IGFBP2: variants seen among roughly 807,000 people sequenced by gnomAD.
IGFBP2 encodes the protein insulin-like growth factor-binding protein 2.
A neutral mutation model predicts 26.2 loss-of-function variants in IGFBP2; 12 were observed. The observed-to-expected ratio is 0.46, with a 90% confidence interval of 0.29 to 0.74. The LOEUF (loss-of-function observed/expected upper bound fraction) is 0.74. Among genes scored for constraint, IGFBP2 ranks in the 30% least tolerant of loss-of-function variants. The pLI is 0.09. For missense variants in IGFBP2, 328 were observed against 441.2 expected (o/e 0.74, Z 2.30); for synonymous variants, 189 against 200.6 (o/e 0.94, Z 0.49).
chr2:216,634,905 T>A (rs1049030195), intron 1 of IGFBP2, among the ~76,000 whole-genome samples: 11 of 109,520 alleles, frequency 1.0e-4, no homozygotes, highest in African/African-American at 3.1e-4. Context: ...TTTTTTTTTT[T>A]TAATTACGAA....
chr2:216,658,533 T>G (rs1324779287), intron 1 of IGFBP2, among the ~76,000 whole-genome samples: 2 of 130,998 alleles, frequency 1.5e-5, no homozygotes, highest in African/African-American at 8.2e-5. Context: ...GTCTTTTATT[T>G]ATTTATTTAT....
chr2:216,638,257 C>T (rs370032349), intron 1 of IGFBP2, among the ~76,000 whole-genome samples: 5 of 151,918 alleles, frequency 3.3e-5, no homozygotes, highest in African/African-American at 1.2e-4. Flanking sequence ...GTAATTCCAG[C>T]ACTTAGGGAG....
chr2:216,643,400 A>G (rs1460408652), intron 1 of IGFBP2, among the ~76,000 whole-genome samples: 1 of 152,138 alleles, frequency 6.6e-6, no homozygotes, highest in African/African-American at 2.4e-5. Context: ...GTGCACAATG[A>G]TGCCGAAGAC....
intron 2 of IGFBP2, 83 bp from the exon 3 acceptor site, chr2:216,661,775 C>G (rs746990802): frequency 2.6e-6 from 4 of 1,521,596 alleles, no homozygotes; most frequent in Non-Finnish European, 3.6e-6. Context: ...TGTGCAGCAG[C>G]TTCTCGCTGA....
chr2:216,659,723 C>T lies in IGFBP2; in HGVS notation c.443-834C>T, dbSNP rs1156447195. 4 of 1,535,486 alleles carry T rather than the reference C, an allele frequency of 2.6e-6. No homozygotes were observed. The South Asian group carries it at 3.6e-5, about 14-fold the overall frequency. On this transcript the variant is annotated intron_variant, in intron 1 of 3. Transcript: ENST00000233809. ...ACTTAATGGACGCTTGTTGGACAGA[C>T]ATCACGAAGCTTCATGCCCTGCAGT... is the stretch of plus-strand genomic sequence containing the variant.
upstream of IGFBP2, chr2:216,633,258 C>A (rs1697414985): frequency 2.0e-5 from 3 of 153,764 alleles, no homozygotes; most frequent in South Asian, 6.2e-4. Context: ...ACCCCCAGAG[C>A]CCGCAGCCAA....
chr2:216,650,493 C>T lies in IGFBP2; in HGVS notation c.443-10064C>T, dbSNP rs530697871. ...GTGGTTTGACGTGGAGGGGATTCATCGGCCAGGTGGGGGCTCTCTGCCCTC... is the reference window on the plus strand; with the variant it reads ...GTGGTTTGACGTGGAGGGGATTCATTGGCCAGGTGGGGGCTCTCTGCCCTC... On this transcript the variant is annotated intron_variant, in intron 1 of 3. Coordinates refer to ENST00000233809, the MANE Select transcript of IGFBP2 (RefSeq NM_000597.3). 7.9e-5 allele frequency among the ~76,000 whole-genome samples: 12 copies of T among 152,310 alleles called. No individual in the cohort carries two copies. In the East Asian group the frequency reaches 1.5e-3, roughly 20 times the overall value.
At chr2:216,642,094 G>A (rs974671358) in intron 1 of IGFBP2, among the ~76,000 whole-genome samples, 3 of 150,136 alleles carry the variant, frequency 2.0e-5, no homozygotes, top group African/African-American at 7.4e-5. Flanking sequence ...CCATCTCCCG[G>A]GTTCATGCCA....
rs1371830293 is a variant in IGFBP2 at position 216,633,555 on chromosome 2, C to CGCT, written c.35_37dup (p.Leu12dup). On this transcript the variant is annotated inframe_insertion, in exon 1 of 4. Coordinates refer to ENST00000233809, the MANE Select transcript of IGFBP2 (RefSeq NM_000597.3). ...CCGAGAGTGGGCTGCCCCGCGCTGC[C>CGCT]GCTGCCGCCGCCGCCGCTGCTGCCG... The CGCT allele has an allele frequency of 4.5e-5, 44 of 973,958 alleles. No individual in the cohort carries two copies. The highest frequency in any genetic ancestry group is 4.9e-4 in the Middle Eastern group (1 of 2,038). The allele number at this position is 973,958 out of a possible 1,614,324, so 60.3% of individuals were successfully genotyped here. A position where few individuals can be genotyped will look rare whatever the true frequency, so the allele number is the denominator to read the frequency against.
chr2:216,662,917 G>A (rs1288792616), intron 3 of IGFBP2: 1 of 152,088 alleles, frequency 6.6e-6, no homozygotes, highest in Non-Finnish European at 1.5e-5. Context: ...AACCTCAGAT[G>A]ATCCCCCCAC....
intron 1 of IGFBP2, among the ~76,000 whole-genome samples, chr2:216,646,973 AC>A (rs1697722264): frequency 6.6e-6 from 1 of 152,238 alleles, no homozygotes; most frequent in African/African-American, 2.4e-5. Flanking sequence ...CAGTTGTCAT[AC>A]CACCTGTAAC....
At chr2:216,654,929 T>A (rs1354633072) in intron 1 of IGFBP2, among the ~76,000 whole-genome samples, 6 of 152,238 alleles carry the variant, frequency 3.9e-5, no homozygotes, top group Non-Finnish European at 8.8e-5. Flanking sequence ...GGAGGAACAC[T>A]GCCAAGTTGA....
intron 1 of IGFBP2, among the ~76,000 whole-genome samples, chr2:216,646,033 T>C (rs1203232619): frequency 6.6e-6 from 1 of 152,236 alleles, no homozygotes; most frequent in African/African-American, 2.4e-5. Context: ...TGAACTTTAG[T>C]TGAAGACAGA....
At chr2:216,634,908 A>ATTTTTTTTT (rs201592466) in intron 1 of IGFBP2, among the ~76,000 whole-genome samples, 1 of 17,108 alleles carries the variant, frequency 5.8e-5, no homozygotes, top group African/African-American at 1.6e-4. Context: ...TTTTTTTTTA[A>ATTTTTTTTT]TTACGAAAGC....
In IGFBP2 at chr2:216,652,717, T is replaced by C. The variant is rs953918811; in HGVS notation, c.443-7840T>C. 3.3e-5 allele frequency among the ~76,000 whole-genome samples: 5 copies of C among 152,322 alleles called. No individual in the cohort carries two copies. The East Asian group carries it at 9.6e-4, about 29-fold the overall frequency. On this transcript the variant is annotated intron_variant, in intron 1 of 3. Transcript: ENST00000233809. ...AGTATTTATTCTGTTGCCCAACATA[T>C]GTCAAGGCTAAGTGCCTTTTGGGAG...
intron 1 of IGFBP2, among the ~76,000 whole-genome samples, chr2:216,638,516 T>TAAAATA (rs1187717416): frequency 2.0e-4 from 31 of 151,676 alleles, no homozygotes; most frequent in Non-Finnish European, 3.1e-4. Context: ...AAAAATAAAA[T>TAAAATA]AAAATAAAAA....
intron 1 of IGFBP2, among the ~76,000 whole-genome samples, chr2:216,653,971 G>A (rs9341176): frequency 0.015 from 2,314 of 152,248 alleles, 48 homozygotes; most frequent in Middle Eastern, 0.061. Context: ...GTCATTTGGG[G>A]TTGCTAAGAA....
At chr2:216,654,326 G>A (rs1406073257) in intron 1 of IGFBP2, among the ~76,000 whole-genome samples, 2 of 152,180 alleles carry the variant, frequency 1.3e-5, no homozygotes, top group Admixed American at 1.3e-4. Flanking sequence ...TGTGTGCCAG[G>A]CCCTCTCTGT....
chr2:216,638,273 G>A lies in IGFBP2; in HGVS notation c.442+4308G>A, dbSNP rs9341117. On this transcript the variant is annotated intron_variant, in intron 1 of 3. Transcript: ENST00000233809. ...TAATTCCAGCACTTAGGGAGGCTGA[G>A]GTGGGCAGATCACCTAAGGCCAGGA... 2.0e-3 allele frequency among the ~76,000 whole-genome samples: 298 copies of A among 152,054 alleles called. 1 individual carries two copies. Among genetic ancestry groups the A allele is most frequent in the African/African-American group, 7.0e-3 (289 of 41,482 alleles).
Sources: allele counts gnomAD v4.1 joint callset (sites outside exome capture counted in the v4.1 genomes callset), GRCh38; gene constraint gnomAD v4.1.1; transcripts MANE v1.5; gene names NCBI Gene and HGNC (gene_info 2026-07-23, HGNC 2026-07-21).